Variants in PCDHGA9 observed in about 807,000 individuals in gnomAD.
The protein encoded by PCDHGA9 is protocadherin gamma-A9.
PCDHGA9 carries 37 observed loss-of-function variants against 62.5 expected under a neutral mutation model. The observed-to-expected ratio is 0.59, with a 90% CI of 0.46 to 0.78. The LOEUF (loss-of-function observed/expected upper bound fraction) is 0.78, where lower values mean the gene tolerates loss of function less well. PCDHGA9 is among the 30% of genes least tolerant of loss of function. The pLI is 0.00. For synonymous variants in PCDHGA9, 459 were observed against 484.6 expected (o/e 0.95, Z 0.69); for missense variants, 1,138 against 1,166.2 (o/e 0.98, Z 0.35).
intron 1 of PCDHGA9, among the ~76,000 whole-genome samples, chr5:141,484,454 G>A (rs932663778): frequency 6.6e-6 from 1 of 152,212 alleles, no homozygotes; most frequent in African/African-American, 2.4e-5. Context: ...AATTGGCTAC[G>A]TTAATGTGTA....
At position 141,485,379 on chromosome 5, in the gene PCDHGA9, A is replaced by G. The variant is rs749607481; in HGVS notation, c.2425-9428A>G. 12 of 1,613,934 alleles carry G rather than the reference A, an allele frequency of 7.4e-6. No homozygotes were observed. In the Admixed American group the frequency reaches 1.8e-4, roughly 25 times the overall value. The stretch of plus-strand genomic sequence containing the variant: ...GCTCGCAGGCTGCAGGTCGCTGGAG[A>G]GGTGAACCAAAGACACTTCCGTGTG... On this transcript the variant is annotated intron_variant, in intron 1 of 3. Coordinates refer to ENST00000573521, the MANE Select transcript of PCDHGA9 (RefSeq NM_018921.3). This position sits in a 1 kb window ranked among gnomAD's most constrained non-coding sequence, Gnocchi z 5.7.
Position 141,487,548 on chromosome 5 carries a change from G to T in PCDHGA9, c.2425-7259G>T. The T allele has an allele frequency of 6.2e-7, 1 of 1,614,190 alleles. No homozygotes were observed. Among genetic ancestry groups the T allele is most frequent in the Non-Finnish European group, 8.5e-7 (1 of 1,180,038 alleles). ...AGCTTCATGATGGTGAAGTCACCCA[G>T]TGCACCTATGGCAGGGGAGCCTGTT... is the stretch of plus-strand genomic sequence containing the variant. On this transcript the variant is annotated intron_variant, in intron 1 of 3. Coordinates refer to ENST00000573521, the MANE Select transcript of PCDHGA9 (RefSeq NM_018921.3). The surrounding 1 kb of genome is among the most constrained non-coding windows in gnomAD (Gnocchi z 5.0).
chr5:141,498,565 G>C (rs2099784348), intron 2 of PCDHGA9, among the ~76,000 whole-genome samples: 1 of 152,044 alleles, frequency 6.6e-6, no homozygotes. Context: ...CTTCAAAGCA[G>C]GGCTAGTATT....
At chr5:141,453,001 G>C (rs1225973632) in intron 1 of PCDHGA9, among the ~76,000 whole-genome samples, 3 of 152,168 alleles carry the variant, frequency 2.0e-5, no homozygotes, top group African/African-American at 7.2e-5. Flanking sequence ...AAAGTTACCT[G>C]TAGTATAGTT....
intron 2 of PCDHGA9, 40 bp from the exon 3 acceptor site, chr5:141,505,353 G>T (rs376781305): frequency 1.7e-5 from 27 of 1,613,426 alleles, no homozygotes; most frequent in Non-Finnish European, 2.0e-5. Flanking sequence ...GAGCTGTGCC[G>T]GCCTGGGAGT....
chr5:141,430,639 A>C, intron 1 of PCDHGA9: 6 of 900,712 alleles, frequency 6.7e-6, no homozygotes, highest in Non-Finnish European at 9.7e-6. Context: ...CATCCCTGGG[A>C]GTATGTGGAA....
Position 141,429,390 on chromosome 5 carries a change from A to ATTTT in PCDHGA9, c.2424+24014_2424+24015insTTTT, listed in dbSNP as rs1561841316. ...TGGAGAAAATGTGTTTTTTTTTTAA[A>ATTTT]AAAAATTGAGATTAAGGTCTCATTA... On this transcript the variant is annotated intron_variant, in intron 1 of 3. Coordinates refer to ENST00000573521, the MANE Select transcript of PCDHGA9 (RefSeq NM_018921.3). 1.2e-4 allele frequency among the ~76,000 whole-genome samples: 18 copies of ATTTT among 150,328 alleles called. No homozygotes were observed. In the East Asian group the frequency reaches 1.9e-3, roughly 16 times the overall value.
intron 1 of PCDHGA9, chr5:141,428,078 C>A (rs747287202): frequency 1.2e-6 from 2 of 1,609,216 alleles, no homozygotes; most frequent in Admixed American, 3.3e-5. Flanking sequence ...ATTCGGGACA[C>A]AACGCTTGGC....
At chr5:141,417,556 A>C (rs1240389709) in intron 1 of PCDHGA9, 1 of 333,096 alleles carries the variant, frequency 3.0e-6, no homozygotes, top group Non-Finnish European at 5.4e-6. Context: ...TGAAAGAGGT[A>C]GAGAAAAGTC....
chr5:141,435,929 G>A (rs926025053), intron 1 of PCDHGA9, among the ~76,000 whole-genome samples: 10 of 152,134 alleles, frequency 6.6e-5, no homozygotes, highest in African/African-American at 2.4e-4. Flanking sequence ...TGCGGCAGTT[G>A]CTGCTTCTGA....
chr5:141,475,343 G>C (rs1425482944), intron 1 of PCDHGA9, among the ~76,000 whole-genome samples: 3 of 152,178 alleles, frequency 2.0e-5, no homozygotes, highest in Non-Finnish European at 2.9e-5. Context: ...ATGACATCCA[G>C]TTTTAAAAGA....
Position 141,486,443 on chromosome 5 carries a change from A to G in PCDHGA9, c.2425-8364A>G, listed in dbSNP as rs747419698. Reference sequence around the variant, plus strand: ...AGAGGCCAAATCTAGCTATGACATCATGGTCACTGCTTCTGATGCTGGGAA... The same window carrying G: ...AGAGGCCAAATCTAGCTATGACATCGTGGTCACTGCTTCTGATGCTGGGAA... On this transcript the variant is annotated intron_variant, in intron 1 of 3. Transcript: ENST00000573521. The surrounding 1 kb of genome is among the most constrained non-coding windows in gnomAD (Gnocchi z 5.0). The G allele has an allele frequency of 1.9e-6, 3 of 1,614,060 alleles. No individual in the cohort carries two copies. Among genetic ancestry groups the G allele is most frequent in the South Asian group, 2.2e-5 (2 of 91,080 alleles).
Position 141,413,600 on chromosome 5 carries a change from T to A in PCDHGA9, c.2424+8224T>A, listed in dbSNP as rs767830855. ...GCTCCAAAATTCCAAGCAGAAAATC[T>A]AGACGTAAAAATTAATGAAAATGTC... On this transcript the variant is annotated intron_variant, in intron 1 of 3. Transcript: ENST00000573521. 2.4e-5 allele frequency: 39 copies of A among 1,613,750 alleles called. No homozygotes were observed. Among genetic ancestry groups the A allele is most frequent in the Non-Finnish European group, 3.3e-5 (39 of 1,179,908 alleles).
At chr5:141,405,488 C>T (rs781076927) in intron 1 of PCDHGA9, 112 bp downstream of exon 1, 5 of 895,936 alleles carry the variant, frequency 5.6e-6, no homozygotes, top group Middle Eastern at 2.9e-4. Context: ...GGTGTGATCT[C>T]GGCTCATTGC....
intron 1 of PCDHGA9, among the ~76,000 whole-genome samples, chr5:141,454,980 T>A (rs1049733405): frequency 9.3e-5 from 14 of 151,310 alleles, no homozygotes; most frequent in African/African-American, 2.4e-4. Context: ...GCTAATTTTT[T>A]AAAAAATATT....
chr5:141,410,329 G>T, intron 1 of PCDHGA9: 1 of 1,613,982 alleles, frequency 6.2e-7, no homozygotes, highest in African/African-American at 1.3e-5. Context: ...CCGTGATTCT[G>T]GCCATTGCCT....
At chr5:141,488,691 G>A (rs1443084778) in intron 1 of PCDHGA9, among the ~76,000 whole-genome samples, 2 of 152,192 alleles carry the variant, frequency 1.3e-5, no homozygotes, top group Non-Finnish European at 2.9e-5. Flanking sequence ...CTCCCAGAAG[G>A]ACAAGATTTT....
chr5:141,413,456 T>C (rs2095643709), intron 1 of PCDHGA9: 30 of 1,613,982 alleles, frequency 1.9e-5, no homozygotes, highest in South Asian at 2.2e-5. Flanking sequence ...GCGGGCAGGA[T>C]AGACCGGGAG....
chr5:141,444,525 C>T (rs2098439670), intron 1 of PCDHGA9, among the ~76,000 whole-genome samples: 1 of 152,062 alleles, frequency 6.6e-6, no homozygotes, highest in African/African-American at 2.4e-5. Context: ...GTAGGTGAGA[C>T]AGTGACTGTG....
Sources: allele counts gnomAD v4.1 joint callset (sites outside exome capture counted in the v4.1 genomes callset), GRCh38; gene constraint gnomAD v4.1.1; non-coding constraint Gnocchi (gnomAD v3.1); transcripts MANE v1.5; gene names NCBI Gene and HGNC (gene_info 2026-07-23, HGNC 2026-07-21).